Variants in ATXN7 observed in about 807,000 individuals in gnomAD.
ATXN7 encodes the protein ataxin-7.
A neutral mutation model predicts 70.5 loss-of-function variants in ATXN7; 12 were observed. The ratio of observed to expected loss-of-function variants is 0.17; its 90% confidence interval spans 0.11 to 0.28. The LOEUF (loss-of-function observed/expected upper bound fraction) is 0.28. Ranked by LOEUF, ATXN7 falls within the 10% of genes least tolerant of loss-of-function variation. The pLI, the probability that ATXN7 is intolerant of heterozygous loss-of-function variation, is 1.00. For synonymous variants in ATXN7, 498 were observed against 448.7 expected (o/e 1.11, Z -1.39); for missense variants, 1,256 against 1,131.7 (o/e 1.11, Z -1.58).
intron 4 of ATXN7, among the ~76,000 whole-genome samples, chr3:63,928,622 C>T (rs533357996): frequency 5.3e-5 from 8 of 152,232 alleles, no homozygotes; most frequent in Non-Finnish European, 1.0e-4. Flanking sequence ...ATATTATCCC[C>T]GTTTTAAAGA....
chr3:63,961,712 A>T (rs1034328435), intron 5 of ATXN7, among the ~76,000 whole-genome samples: 2 of 151,936 alleles, frequency 1.3e-5, no homozygotes, highest in Admixed American at 6.6e-5. Flanking sequence ...AATTTTTTTT[A>T]AAAAGGCTTA....
At chr3:63,881,960 C>T (rs535150721) in intron 1 of ATXN7, among the ~76,000 whole-genome samples, 2 of 152,298 alleles carry the variant, frequency 1.3e-5, no homozygotes, top group South Asian at 2.1e-4. Flanking sequence ...AGCAGGAAGT[C>T]CCAATTTGGA....
In ATXN7 at chr3:63,926,088, T is replaced by A. The variant is rs556508685; in HGVS notation, c.394+12863T>A. 1.1e-4 allele frequency among the ~76,000 whole-genome samples: 16 copies of A among 152,336 alleles called. No homozygotes were observed. In the South Asian group the frequency reaches 2.7e-3, roughly 26 times the overall value. On this transcript the variant is annotated intron_variant, in intron 4 of 12. Coordinates refer to ENST00000674280, the MANE Select transcript of ATXN7 (RefSeq NM_001377405.1). ...GGAATTTTAAAATGTACTTATACAA[T>A]CAAATGAATCAAAATGAATTGTTTC...
intron 4 of ATXN7, among the ~76,000 whole-genome samples, chr3:63,944,926 CAA>C (rs2074833900): frequency 1.3e-5 from 2 of 151,962 alleles, no homozygotes; most frequent in South Asian, 4.1e-4. Flanking sequence ...CAGGTAGCTG[CAA>C]TTACAAGTGT....
At chr3:63,969,312 A>T (rs1478997444) in intron 5 of ATXN7, among the ~76,000 whole-genome samples, 1 of 152,198 alleles carries the variant, frequency 6.6e-6, no homozygotes, top group African/African-American at 2.4e-5. Flanking sequence ...AAAAGGATAT[A>T]AAACCAGTGG....
chr3:63,914,753 G>T (rs766626500), intron 4 of ATXN7, among the ~76,000 whole-genome samples: 45 of 152,252 alleles, frequency 3.0e-4, no homozygotes, highest in Non-Finnish European at 5.9e-4. Flanking sequence ...GTTTCAGTGG[G>T]TACCTTGAGC....
intron 3 of ATXN7, 23 bp from the exon 4 acceptor site, chr3:63,913,134 T>C: frequency 6.2e-7 from 1 of 1,610,444 alleles, no homozygotes; most frequent in Non-Finnish European, 8.5e-7. Context: ...TCTCCCCTCC[T>C]CCTGTGTGTG....
At chr3:63,913,077 C>T (rs1415550449) in intron 3 of ATXN7, 80 bp from the exon 4 acceptor site, 25 of 1,514,296 alleles carry the variant, frequency 1.7e-5, no homozygotes, top group Non-Finnish European at 2.3e-5. Context: ...CCACACCTAC[C>T]CCGTGCGTGC....
chr3:63,913,516 CCTT>C (rs774203190), intron 4 of ATXN7, among the ~76,000 whole-genome samples: 1 of 152,204 alleles, frequency 6.6e-6, no homozygotes, highest in East Asian at 1.9e-4. Flanking sequence ...TTTCTGACCT[CCTT>C]ACGGAGAAAC....
At chr3:63,938,380 C>G (rs181376236) in intron 4 of ATXN7, among the ~76,000 whole-genome samples, 2 of 152,286 alleles carry the variant, frequency 1.3e-5, no homozygotes, top group East Asian at 3.9e-4. Context: ...TGCACCTAAT[C>G]TGTTTAAACA....
chr3:63,875,618 C>T (rs1198450972), intron 1 of ATXN7, among the ~76,000 whole-genome samples: 2 of 152,162 alleles, frequency 1.3e-5, no homozygotes, highest in South Asian at 2.1e-4. Context: ...TGGAGCCCTT[C>T]GATCTGGCCT....
At chr3:63,988,567 G>GT in intron 9 of ATXN7, 2 of 494,930 alleles carry the variant, frequency 4.0e-6, no homozygotes, top group South Asian at 2.4e-5. Flanking sequence ...CTCTATACTT[G>GT]CTGAACATCA....
intron 1 of ATXN7, among the ~76,000 whole-genome samples, chr3:63,892,265 C>A (rs200801514): frequency 1.3e-5 from 2 of 149,250 alleles, no homozygotes. Context: ...AATTTTGTAA[C>A]CCCAGGCCAG....
intron 4 of ATXN7, among the ~76,000 whole-genome samples, chr3:63,944,647 AAACCATGAAT>A (rs1367166973): frequency 6.6e-6 from 1 of 152,240 alleles, no homozygotes; most frequent in Non-Finnish European, 1.5e-5. Context: ...TCAGAAAGCA[AAACCATGAAT>A]AAGCGGGGAT....
intron 1 of ATXN7, among the ~76,000 whole-genome samples, chr3:63,888,151 T>TA (rs746804315): frequency 1.1e-4 from 16 of 152,166 alleles, no homozygotes; most frequent in Non-Finnish European, 2.2e-4. Context: ...AGTCAGATGA[T>TA]AAGAGATTTT....
At chr3:63,969,276 T>TC (rs2075274034) in intron 5 of ATXN7, among the ~76,000 whole-genome samples, 3 of 151,950 alleles carry the variant, frequency 2.0e-5, no homozygotes, top group African/African-American at 7.3e-5. Context: ...TATTCTGCCC[T>TC]CCCCCACCCA....
At chr3:63,870,112 A>G (rs373943923) in intron 1 of ATXN7, among the ~76,000 whole-genome samples, 8 of 152,234 alleles carry the variant, frequency 5.3e-5, no homozygotes, top group African/African-American at 1.9e-4. Flanking sequence ...ACACCTACTC[A>G]GCTCTGCCAT....
intron 4 of ATXN7, among the ~76,000 whole-genome samples, chr3:63,919,447 G>A (rs966503009): frequency 3.7e-4 from 57 of 152,032 alleles, no homozygotes; most frequent in African/African-American, 1.4e-3. Context: ...ATTTTGAAGG[G>A]GAGAATCTTC....
At chr3:63,914,292 C>T (rs991927917) in intron 4 of ATXN7, among the ~76,000 whole-genome samples, 1 of 152,182 alleles carries the variant, frequency 6.6e-6, no homozygotes, top group African/African-American at 2.4e-5. Flanking sequence ...TCACTTAACT[C>T]TGTTTCGGTT....
Sources: gnomAD v4.1 joint callset for allele counts (sites outside exome capture counted in the v4.1 genomes callset) on GRCh38, gnomAD v4.1.1 for gene constraint, MANE v1.5 for transcripts, NCBI Gene and HGNC (gene_info 2026-07-23, HGNC 2026-07-21) for gene names.